AGBL4: variants seen among roughly 807,000 people sequenced by gnomAD.
AGBL4 encodes cytosolic carboxypeptidase 6.
In AGBL4, 58 loss-of-function variants were observed where a neutral mutation model predicts 66.4. The observed-to-expected ratio is 0.87, with a 90% CI of 0.71 to 1.09. The LOEUF is 1.09. AGBL4 is among the 50% of genes least tolerant of loss of function. AGBL4 has a pLI of 0.00. For missense variants in AGBL4, 579 were observed against 631.0 expected, an observed-to-expected ratio of 0.92 and a Z score of 0.88; for synonymous variants, 234 against 222.9, an observed-to-expected ratio of 1.05 and a Z score of -0.44.
At chr1:49,132,745 G>A (rs1020227917) in intron 4 of AGBL4, among the ~76,000 whole-genome samples, 2 of 152,172 alleles carry the variant, frequency 1.3e-5, no homozygotes, top group Admixed American at 6.5e-5. Context: ...AACAACAGAT[G>A]CTGGTGAGGA....
chr1:48,641,638 C>T (rs1645756676), intron 8 of AGBL4, among the ~76,000 whole-genome samples: 1 of 152,114 alleles, frequency 6.6e-6, no homozygotes, highest in Non-Finnish European at 1.5e-5. Flanking sequence ...GAATCTATTT[C>T]ATTTGCCACT....
In AGBL4 at chr1:48,607,831, A is replaced by G. The variant is rs180867793; in HGVS notation, c.952-16846T>C. Among the ~76,000 whole-genome samples, 365 of 152,334 alleles carry G rather than the reference A, an allele frequency of 2.4e-3. 1 individual carries two copies. Among genetic ancestry groups the G allele is most frequent in the South Asian group, 0.022 (104 of 4,826 alleles). ...TAATCTAAGTCCTGACTCCGAGTCA[A>G]TCCATCAAGCATACAAAAAATCAGG... On this transcript the variant is annotated intron_variant, in intron 9 of 13. Transcript: ENST00000371839.
chr1:49,139,777 C>T (rs995786623), intron 4 of AGBL4, among the ~76,000 whole-genome samples: 1 of 152,030 alleles, frequency 6.6e-6, no homozygotes, highest in Non-Finnish European at 1.5e-5. Context: ...TCTTGACAAG[C>T]GGCTATTTTA....
At chr1:48,871,221 A>T (rs1382994716) in intron 5 of AGBL4, among the ~76,000 whole-genome samples, 1 of 152,074 alleles carries the variant, frequency 6.6e-6, no homozygotes, top group African/African-American at 2.4e-5. Context: ...GGATGGTAGG[A>T]TAGGGAGGAA....
At position 48,682,253 on chromosome 1, in the gene AGBL4, T is replaced by C. The variant is rs145306175; in HGVS notation, c.635-19012A>G. On this transcript the variant is annotated intron_variant, in intron 6 of 13. Coordinates refer to ENST00000371839, the MANE Select transcript of AGBL4 (RefSeq NM_032785.4). ...TGAAGCCATGCAGTGTGTGTATTTGTTATGCAGACCAAAGTCATACAGAGG... is the reference window on the plus strand; with the variant it reads ...TGAAGCCATGCAGTGTGTGTATTTGCTATGCAGACCAAAGTCATACAGAGG... Among the ~76,000 whole-genome samples the C allele has an allele frequency of 1.7e-3, 255 of 152,358 alleles. 4 individuals are homozygous for C. Among genetic ancestry groups the C allele is most frequent in the Admixed American group, 0.016 (243 of 15,306 alleles).
intron 1 of AGBL4, among the ~76,000 whole-genome samples, chr1:49,953,728 C>T (rs1656356308): frequency 6.6e-6 from 1 of 151,730 alleles, no homozygotes; most frequent in South Asian, 2.1e-4. Context: ...AAATCTGAAA[C>T]ACTTCTGATC....
intron 6 of AGBL4, among the ~76,000 whole-genome samples, chr1:48,773,245 C>A (rs1023277091): frequency 2.0e-5 from 3 of 151,694 alleles, no homozygotes; most frequent in African/African-American, 7.3e-5. Flanking sequence ...CAGTTTGAGC[C>A]TCCTAAAAAA....
In AGBL4 at chr1:49,470,239, A is replaced by C. The variant is rs1646713906; in HGVS notation, c.283-224375T>G. 3.3e-5 allele frequency among the ~76,000 whole-genome samples: 5 copies of C among 151,998 alleles called. No individual in the cohort carries two copies. The South Asian group carries it at 1.0e-3, about 31-fold the overall frequency. ...ATATAATAGTATTAAAACAATATCTATATCAAATGTATACTATAGATTTCT... is the reference window on the plus strand; with the variant it reads ...ATATAATAGTATTAAAACAATATCTCTATCAAATGTATACTATAGATTTCT... On this transcript the variant is annotated intron_variant, in intron 3 of 13. Coordinates refer to ENST00000371839, the MANE Select transcript of AGBL4 (RefSeq NM_032785.4).
At chr1:49,198,905 A>C (rs1477866235) in intron 4 of AGBL4, among the ~76,000 whole-genome samples, 1 of 152,144 alleles carries the variant, frequency 6.6e-6, no homozygotes, top group East Asian at 1.9e-4. Flanking sequence ...AATTAGAGTA[A>C]ATTCCAATCT....
At chr1:49,251,722 G>C (rs1339995225) in intron 3 of AGBL4, among the ~76,000 whole-genome samples, 1 of 152,190 alleles carries the variant, frequency 6.6e-6, no homozygotes, top group Non-Finnish European at 1.5e-5. Flanking sequence ...CCCCAGCACA[G>C]TGAACTGCAA....
chr1:49,407,132 A>G (rs1366308701), intron 3 of AGBL4, among the ~76,000 whole-genome samples: 1 of 151,308 alleles, frequency 6.6e-6, no homozygotes, highest in Non-Finnish European at 1.5e-5. Flanking sequence ...TGTAACAGTT[A>G]ATTTTATGTA....
At chr1:48,798,859 CT>C (rs1197795905) in intron 6 of AGBL4, among the ~76,000 whole-genome samples, 1 of 152,130 alleles carries the variant, frequency 6.6e-6, no homozygotes, top group East Asian at 1.9e-4. Flanking sequence ...GTCCTCTATT[CT>C]GTTTCAATAG....
chr1:48,745,228 A>C (rs945488890), intron 6 of AGBL4, among the ~76,000 whole-genome samples: 6 of 152,156 alleles, frequency 3.9e-5, no homozygotes, highest in African/African-American at 1.4e-4. Flanking sequence ...TCTGAAGTAA[A>C]GTCCTGCTGC....
At chr1:49,551,363 A>G (rs1398610981) in intron 3 of AGBL4, among the ~76,000 whole-genome samples, 2 of 152,178 alleles carry the variant, frequency 1.3e-5, no homozygotes, top group African/African-American at 2.4e-5. Context: ...GAAAGATGTT[A>G]AAGAGCCTTG....
intron 1 of AGBL4, among the ~76,000 whole-genome samples, chr1:49,909,367 A>T (rs1366808171): frequency 6.6e-6 from 1 of 152,212 alleles, no homozygotes; most frequent in Non-Finnish European, 1.5e-5. Context: ...TATTTTAAAT[A>T]GGGTGGTCAG....
intron 1 of AGBL4, among the ~76,000 whole-genome samples, chr1:49,874,544 T>C (rs531485202): frequency 2.1e-4 from 32 of 152,270 alleles, no homozygotes; most frequent in Admixed American, 2.1e-3. Flanking sequence ...CTACTTATTA[T>C]ATGTAAAATT....
intron 3 of AGBL4, among the ~76,000 whole-genome samples, chr1:49,646,144 A>G (rs1283171502): frequency 2.0e-5 from 3 of 151,906 alleles, no homozygotes; most frequent in Admixed American, 6.6e-5. Context: ...TATTACTTCT[A>G]TTCAACACTG....
chr1:49,117,065 GTT>G (rs1411380926), intron 4 of AGBL4, among the ~76,000 whole-genome samples: 1 of 146,420 alleles, frequency 6.8e-6, no homozygotes. Context: ...TTTTGATGGG[GTT>G]TTTTTTTTTC....
chr1:48,658,801 G>A (rs1021181818), intron 7 of AGBL4, among the ~76,000 whole-genome samples: 4 of 152,022 alleles, frequency 2.6e-5, no homozygotes, highest in African/African-American at 7.3e-5. Flanking sequence ...GCTTGGTCCC[G>A]GTGCCTGGCA....
Sources: allele counts gnomAD v4.1 joint callset (sites outside exome capture counted in the v4.1 genomes callset), GRCh38; gene constraint gnomAD v4.1.1; transcripts MANE v1.5; gene names NCBI Gene and HGNC (gene_info 2026-07-23, HGNC 2026-07-21).